LDLRAD4: variants seen among roughly 807,000 people sequenced by gnomAD.
LDLRAD4 encodes low density lipoprotein receptor class A domain containing 4, also known as low-density lipoprotein receptor class A domain-containing protein 4.
LDLRAD4 carries 5 observed loss-of-function variants against 17.0 expected under a neutral mutation model. The ratio of observed to expected loss-of-function variants is 0.29; its 90% CI spans 0.15 to 0.62. The LOEUF is 0.62. LDLRAD4 is among the 20% of genes least tolerant of loss of function. The pLI, the probability that LDLRAD4 is intolerant of heterozygous loss-of-function variation, is 0.84. For synonymous variants in LDLRAD4, 168 were observed against 171.8 expected (o/e 0.98, Z 0.17); for missense variants, 340 against 424.7 (o/e 0.80, Z 1.75).
At chr18:13,396,327 T>C (rs2086693112) in intron 2 of LDLRAD4, among the ~76,000 whole-genome samples, 1 of 152,326 alleles carries the variant, frequency 6.6e-6, no homozygotes, top group South Asian at 2.1e-4. Flanking sequence ...TTGCTGTCCT[T>C]TGTGGATGCT....
chr18:13,514,120 T>C (rs943086105), intron 3 of LDLRAD4, among the ~76,000 whole-genome samples: 24 of 152,348 alleles, frequency 1.6e-4, no homozygotes, highest in African/African-American at 5.1e-4. Context: ...TACTAACTTC[T>C]AGTAAACTGT....
chr18:13,644,238 T>C (rs1221842459), intron 5 of LDLRAD4, among the ~76,000 whole-genome samples: 1 of 152,018 alleles, frequency 6.6e-6, no homozygotes, highest in Non-Finnish European at 1.5e-5. Context: ...TTGTATCTGC[T>C]CCACGTACCA....
At chr18:13,342,023 T>C (rs1463708079) in intron 1 of LDLRAD4, among the ~76,000 whole-genome samples, 1 of 152,174 alleles carries the variant, frequency 6.6e-6, no homozygotes, top group African/African-American at 2.4e-5. Flanking sequence ...ATTCTGTTAA[T>C]GTAATATATT....
chr18:13,354,642 G>A (rs953585982), intron 1 of LDLRAD4, among the ~76,000 whole-genome samples: 2 of 152,328 alleles, frequency 1.3e-5, no homozygotes, highest in African/African-American at 4.8e-5. Flanking sequence ...TCAGTGATCA[G>A]CTGAGCCTTC....
intron 1 of LDLRAD4, among the ~76,000 whole-genome samples, chr18:13,235,568 G>A (rs9955747): frequency 0.46 from 70,445 of 152,144 alleles, 16,867 homozygotes; most frequent in African/African-American, 0.59. Context: ...AACCAAGTGC[G>A]GAAGAAGGAG....
chr18:13,249,902 T>G (rs551167424), intron 1 of LDLRAD4, among the ~76,000 whole-genome samples: 3 of 152,258 alleles, frequency 2.0e-5, no homozygotes, highest in Non-Finnish European at 4.4e-5. Context: ...AGGTCTTTGA[T>G]GCATTTTGAG....
intron 2 of LDLRAD4, among the ~76,000 whole-genome samples, chr18:13,394,607 T>C (rs762921609): frequency 6.6e-6 from 1 of 152,252 alleles, no homozygotes; most frequent in Non-Finnish European, 1.5e-5. Context: ...TTTTTATTTA[T>C]GCTCAGAGCA....
chr18:13,499,216 G>A lies in LDLRAD4; in HGVS notation c.181+60832G>A, dbSNP rs992239736. ...CACACACATCCCGCTGTGGATACTG[G>A]AGAATCCTTCTCGCCACACACTTCC... On this transcript the variant is annotated intron_variant, in intron 3 of 5. Coordinates refer to ENST00000359446, the Ensembl canonical transcript of LDLRAD4. Among the ~76,000 whole-genome samples, 3 of 149,422 alleles carry A rather than the reference G, an allele frequency of 2.0e-5. No individual in the cohort carries two copies. In the South Asian group the frequency reaches 6.4e-4, roughly 32 times the overall value.
At chr18:13,522,639 A>G (rs1260132676) in intron 3 of LDLRAD4, 2 of 152,138 alleles carry the variant, frequency 1.3e-5, no homozygotes, top group Non-Finnish European at 2.9e-5. Context: ...AGAAGCTTAC[A>G]TGCTACAAAA....
chr18:13,510,357 G>T (rs2093758378), intron 3 of LDLRAD4, among the ~76,000 whole-genome samples: 1 of 152,142 alleles, frequency 6.6e-6, no homozygotes, highest in African/African-American at 2.4e-5. Context: ...GCCTCCTGGG[G>T]CCTCAGTTTC....
intron 1 of LDLRAD4, among the ~76,000 whole-genome samples, chr18:13,360,142 A>G (rs901590947): frequency 1.3e-4 from 20 of 152,126 alleles, no homozygotes; most frequent in Non-Finnish European, 2.5e-4. Flanking sequence ...GGCCACATGG[A>G]ATCTCCACCA....
chr18:13,557,001 G>T (rs1374297936), intron 3 of LDLRAD4, among the ~76,000 whole-genome samples: 1 of 152,152 alleles, frequency 6.6e-6, no homozygotes, highest in African/African-American at 2.4e-5. Context: ...GGCTTAAGGA[G>T]ATAATAAGCA....
intron 1 of LDLRAD4, among the ~76,000 whole-genome samples, chr18:13,356,355 A>G (rs530124799): frequency 2.3e-4 from 35 of 152,336 alleles, no homozygotes; most frequent in Non-Finnish European, 4.0e-4. Context: ...CAAGTGTGCA[A>G]AGGACCCGGG....
At chr18:13,298,473 G>C (rs2046395855) in intron 1 of LDLRAD4, among the ~76,000 whole-genome samples, 1 of 148,156 alleles carries the variant, frequency 6.7e-6, no homozygotes, top group Non-Finnish European at 1.5e-5. Flanking sequence ...TGGGCACGGT[G>C]ATGGAGCTGC....
intron 3 of LDLRAD4, among the ~76,000 whole-genome samples, chr18:13,526,904 T>C (rs1321778508): frequency 3.3e-5 from 5 of 152,170 alleles, no homozygotes; most frequent in Non-Finnish European, 7.4e-5. Context: ...CCTTCCTCCT[T>C]CCCTCACTTC....
chr18:13,386,216 A>G (rs749210980), intron 1 of LDLRAD4, among the ~76,000 whole-genome samples: 143 of 152,240 alleles, frequency 9.4e-4, no homozygotes, highest in Non-Finnish European at 1.5e-3. Context: ...AACATAAAAG[A>G]GGTTTCTTTT....
intron 2 of LDLRAD4, among the ~76,000 whole-genome samples, chr18:13,428,863 A>G (rs762254305): frequency 1.3e-5 from 2 of 152,202 alleles, no homozygotes; most frequent in Non-Finnish European, 2.9e-5. Context: ...GGCCTTGGAC[A>G]TAGTAAGCTG....
intron 3 of LDLRAD4, among the ~76,000 whole-genome samples, chr18:13,549,196 CAGAG>C (rs1193240312): frequency 6.6e-6 from 1 of 152,320 alleles, no homozygotes; most frequent in African/African-American, 2.4e-5. Context: ...CATCCAGACA[CAGAG>C]GGAGGCACCA....
chr18:13,273,023 C>T (rs1156803221), intron 1 of LDLRAD4, among the ~76,000 whole-genome samples: 1 of 152,158 alleles, frequency 6.6e-6, no homozygotes, highest in East Asian at 1.9e-4. Context: ...AAAACAAAAA[C>T]GATGTGGCAT....
Sources: allele counts gnomAD v4.1 joint callset (sites outside exome capture counted in the v4.1 genomes callset), GRCh38; gene constraint gnomAD v4.1.1; transcripts MANE v1.5; gene names NCBI Gene and HGNC (gene_info 2026-07-23, HGNC 2026-07-21).